Variants in NSUN6 observed in about 807,000 individuals in gnomAD.
NSUN6 encodes NOP2/Sun RNA methyltransferase 6.
Under a neutral mutation model 58.0 loss-of-function variants are expected in NSUN6, and 64 were observed. The ratio of observed to expected loss-of-function variants is 1.10; its 90% CI spans 0.90 to 1.36. The LOEUF is 1.36. Ranked by LOEUF, NSUN6 falls within the 40% of genes most tolerant of loss-of-function variation. NSUN6 has a pLI of 0.00. For missense variants in NSUN6, 701 were observed against 550.1 expected, an observed-to-expected ratio of 1.27 and a Z score of -2.74; for synonymous variants, 231 against 193.9, an observed-to-expected ratio of 1.19 and a Z score of -1.59.
intron 3 of NSUN6, among the ~76,000 whole-genome samples, chr10:18,620,845 A>G (rs1467990676): frequency 6.6e-6 from 1 of 152,224 alleles, no homozygotes; most frequent in African/African-American, 2.4e-5. Flanking sequence ...ACACCATCAC[A>G]TCTCACATAT....
chr10:18,629,209 G>C (rs919132127), intron 3 of NSUN6, among the ~76,000 whole-genome samples: 3 of 152,182 alleles, frequency 2.0e-5, no homozygotes, highest in African/African-American at 2.4e-5. Flanking sequence ...AATGCTGAGA[G>C]ATTTTGTCAC....
chr10:18,633,157 C>CA (rs1208191051), intron 3 of NSUN6, among the ~76,000 whole-genome samples: 2 of 150,808 alleles, frequency 1.3e-5, no homozygotes, highest in African/African-American at 4.9e-5. Flanking sequence ...ATGGCAAGAA[C>CA]AAAAAACCAA....
chr10:18,561,352 G>A (rs1379622639), intron 8 of NSUN6, among the ~76,000 whole-genome samples: 1 of 78,660 alleles, frequency 1.3e-5, no homozygotes, highest in African/African-American at 4.4e-5. Context: ...ATAGAATGGA[G>A]AACGGAATGG....
At chr10:18,598,446 ATTTATT>A (rs1056951077) in intron 6 of NSUN6, among the ~76,000 whole-genome samples, 48 of 152,100 alleles carry the variant, frequency 3.2e-4, no homozygotes, top group African/African-American at 1.1e-3. Context: ...AGCTCTACTT[ATTTATT>A]TTTATTTTTG....
At chr10:18,627,321 T>C (rs1445717675) in intron 3 of NSUN6, among the ~76,000 whole-genome samples, 1 of 152,222 alleles carries the variant, frequency 6.6e-6, no homozygotes, top group Admixed American at 6.5e-5. Flanking sequence ...ATAACTGTGA[T>C]ATCGAGCTTT....
chr10:18,624,816 T>A (rs1332083465), intron 3 of NSUN6, among the ~76,000 whole-genome samples: 1 of 152,060 alleles, frequency 6.6e-6, no homozygotes, highest in East Asian at 1.9e-4. Flanking sequence ...GAAACTGGAA[T>A]GAGTTCCCAG....
At chr10:18,598,067 T>C (rs762839427) in intron 6 of NSUN6, among the ~76,000 whole-genome samples, 1 of 152,118 alleles carries the variant, frequency 6.6e-6, no homozygotes, top group Non-Finnish European at 1.5e-5. Context: ...AGAAGTGAAA[T>C]TAGCTTTAAC....
At chr10:18,631,231 T>C (rs1200391053) in intron 3 of NSUN6, among the ~76,000 whole-genome samples, 1 of 151,228 alleles carries the variant, frequency 6.6e-6, no homozygotes, top group Non-Finnish European at 1.5e-5. Flanking sequence ...TCTCAATAAA[T>C]TAGGTATTGA....
chr10:18,586,981 C>T (rs566094604), intron 7 of NSUN6, among the ~76,000 whole-genome samples: 166 of 152,336 alleles, frequency 1.1e-3, no homozygotes, highest in African/African-American at 3.9e-3. Flanking sequence ...CAAGTCCCCA[C>T]TCGACCCAGG....
intron 6 of NSUN6, among the ~76,000 whole-genome samples, chr10:18,601,447 C>G (rs775594917): frequency 5.9e-5 from 9 of 151,954 alleles, no homozygotes. Context: ...TCCAAGGAAC[C>G]GAGTGTTTCA....
intron 3 of NSUN6, among the ~76,000 whole-genome samples, 196 bp downstream of exon 3, chr10:18,642,280 C>T (rs2059413276): frequency 6.6e-6 from 1 of 152,118 alleles, no homozygotes; most frequent in African/African-American, 2.4e-5. Flanking sequence ...GATCCTTGGG[C>T]CCATTCCTAG....
intron 8 of NSUN6, among the ~76,000 whole-genome samples, chr10:18,559,927 G>T (rs2055352851): frequency 6.6e-6 from 1 of 150,906 alleles, no homozygotes; most frequent in Non-Finnish European, 1.5e-5. Context: ...GGATTGGAAT[G>T]GAATGGAGAA....
intron 3 of NSUN6, among the ~76,000 whole-genome samples, chr10:18,633,741 G>A (rs992889541): frequency 3.9e-5 from 6 of 152,198 alleles, no homozygotes; most frequent in African/African-American, 1.4e-4. Flanking sequence ...CAGACAATCT[G>A]TTGTTTTCTC....
rs35673571 is a variant in NSUN6 at position 18,638,947 on chromosome 10, T to TAAAA, written c.311+3525_311+3528dup. ...ACAATGTTATAAAGCTTGACAATGT[T>TAAAA]AAAAAAAAAAAAAAAAAAAAAAACT... is the stretch of plus-strand genomic sequence containing the variant. On this transcript the variant is annotated intron_variant, in intron 3 of 10. Transcript: ENST00000377304. Among the ~76,000 whole-genome samples, 147 of 107,038 alleles carry TAAAA rather than the reference T, an allele frequency of 1.4e-3. 1 individual carries two copies. Among genetic ancestry groups the TAAAA allele is most frequent in the Non-Finnish European group, 2.0e-3 (110 of 55,494 alleles). 70.2% of individuals were successfully genotyped at this position (107,038 alleles called of 152,430 possible).
upstream of NSUN6, chr10:18,652,321 T>A (rs2059723762): frequency 1.0e-6 from 1 of 984,440 alleles, no homozygotes; most frequent in Non-Finnish European, 1.2e-6. Flanking sequence ...TACAGGAAAG[T>A]CAAAATAATT....
chr10:18,602,252 G>GT lies in NSUN6; in HGVS notation c.658-5926dup, dbSNP rs757437596. Among the ~76,000 whole-genome samples the GT allele has an allele frequency of 1.0e-2, 1,419 of 142,078 alleles. 15 individuals are homozygous for GT. Among genetic ancestry groups the GT allele is most frequent in the Non-Finnish European group, 0.014 (895 of 64,772 alleles). The allele number at this position is 142,078 out of a possible 152,430, so 93.2% of individuals were successfully genotyped here. On this transcript the variant is annotated intron_variant, in intron 6 of 10. Transcript: ENST00000377304. Reference sequence around the variant, plus strand: ...TAATTTTTGTGGGGTTTTTTTTTTTGTTTTTTTTTGAGACGGAGTCTTGCT... The same window carrying GT: ...TAATTTTTGTGGGGTTTTTTTTTTTGTTTTTTTTTTGAGACGGAGTCTTGCT...
upstream of NSUN6, chr10:18,653,209 T>C (rs1315944126): frequency 1.0e-6 from 1 of 984,700 alleles, no homozygotes; most frequent in East Asian, 1.1e-4. Flanking sequence ...ATCACACCAC[T>C]ATGTACCCAA....
At chr10:18,624,639 C>A (rs1216766488) in intron 3 of NSUN6, among the ~76,000 whole-genome samples, 1 of 74,826 alleles carries the variant, frequency 1.3e-5, no homozygotes, top group African/African-American at 5.4e-5. Context: ...CAGAGCGAGA[C>A]TCTGTCTCAA....
intron 7 of NSUN6, among the ~76,000 whole-genome samples, chr10:18,589,426 A>G (rs2057296367): frequency 6.6e-6 from 1 of 152,150 alleles, no homozygotes; most frequent in Non-Finnish European, 1.5e-5. Flanking sequence ...GAACACCACT[A>G]AGATACCCCT....
Sources: allele counts gnomAD v4.1 joint callset (sites outside exome capture counted in the v4.1 genomes callset), GRCh38; gene constraint gnomAD v4.1.1; transcripts MANE v1.5; gene names NCBI Gene and HGNC (gene_info 2026-07-23, HGNC 2026-07-21).